Variants in UBAP2 observed in about 807,000 individuals in gnomAD.
The protein encoded by UBAP2 is ubiquitin associated protein 2, also known as ubiquitin-associated protein 2.
Under a neutral mutation model 139.6 loss-of-function variants are expected in UBAP2, and 75 were observed. The observed-to-expected ratio is 0.54, with a 90% CI of 0.45 to 0.65. The LOEUF (loss-of-function observed/expected upper bound fraction) is 0.65. Ranked by LOEUF, UBAP2 falls within the 30% of genes least tolerant of loss-of-function variation. The pLI, the probability that UBAP2 is intolerant of heterozygous loss-of-function variation, is 0.00. For missense variants in UBAP2, 1,368 were observed against 1,369.6 expected, an observed-to-expected ratio of 1.00 and a Z score of 0.02; for synonymous variants, 526 against 526.2, an observed-to-expected ratio of 1.00 and a Z score of 0.01.
intron 7 of UBAP2, among the ~76,000 whole-genome samples, chr9:33,972,704 G>A (rs1177363842): frequency 5.9e-5 from 9 of 152,140 alleles, no homozygotes; most frequent in Admixed American, 4.6e-4. Flanking sequence ...CTTTGAGTCT[G>A]TTCAATGTTT....
In UBAP2 at chr9:33,948,387, G is replaced by A. The variant is rs535253763; in HGVS notation, c.1257C>T (p.Val419=). 1.2e-6 allele frequency: 2 copies of A among 1,611,694 alleles called. No individual in the cohort carries two copies. Among genetic ancestry groups the A allele is most frequent in the South Asian group, 2.2e-5 (2 of 90,868 alleles). The change falls in exon 13 of 29, where the codon GTC becomes GTT. Residue 419 remains valine (V), a synonymous_variant. Transcript: ENST00000379238. ...DLKPPTSQSS[V]LSHLDFKSQP... ...ATGTATACCTACCAAGATGACTGAG[G>A]ACTGAGGACTGGGATGTTGGGGGCT...
intron 2 of UBAP2, among the ~76,000 whole-genome samples, chr9:34,007,833 GGGTTTC>G (rs1823373299): frequency 6.6e-6 from 1 of 151,694 alleles, no homozygotes; most frequent in African/African-American, 2.4e-5. Flanking sequence ...AATAGAGTCG[GGGTTTC>G]ACCTTGTTAG....
chr9:34,048,491 G>C (rs1587716562), intron 1 of UBAP2, among the ~76,000 whole-genome samples: 1 of 152,182 alleles, frequency 6.6e-6, no homozygotes, highest in South Asian at 2.1e-4. Context: ...GGCAGGCACC[G>C]AGGTGGGAGA....
intron 20 of UBAP2, 72 bp downstream of exon 20, chr9:33,927,725 C>G (rs893823941): frequency 6.7e-7 from 1 of 1,501,056 alleles, no homozygotes. Context: ...ACCTGCACTG[C>G]CTTCCTGGGA....
chr9:33,995,499 ATATATT>A (rs1822106845), intron 4 of UBAP2: 2 of 131,202 alleles, frequency 1.5e-5, no homozygotes, highest in Admixed American at 8.7e-5. Flanking sequence ...TATTAAATAT[ATATATT>A]TATATTATTA....
intron 13 of UBAP2, among the ~76,000 whole-genome samples, chr9:33,946,029 C>CT (rs1483724005): frequency 6.6e-6 from 1 of 152,140 alleles, no homozygotes; most frequent in Non-Finnish European, 1.5e-5. Context: ...AGAACACATC[C>CT]TTTTTAACAC....
chr9:34,021,312 T>C (rs12236865), intron 1 of UBAP2, among the ~76,000 whole-genome samples: 31,453 of 152,200 alleles, frequency 0.21, 3,844 homozygotes, highest in East Asian at 0.55. Flanking sequence ...TACATTATAG[T>C]AACAACCAAT....
At chr9:34,013,977 GAATA>G (rs1251366121) in intron 2 of UBAP2, among the ~76,000 whole-genome samples, 1 of 151,876 alleles carries the variant, frequency 6.6e-6, no homozygotes, top group Non-Finnish European at 1.5e-5. Context: ...TAGGATTAAT[GAATA>G]AATAAACATC....
At chr9:34,016,977 T>C (rs1336805276) in intron 2 of UBAP2, 73 bp downstream of exon 2, 3 of 1,022,774 alleles carry the variant, frequency 2.9e-6, no homozygotes, top group Non-Finnish European at 4.2e-6. Flanking sequence ...GAGTTCCACA[T>C]ACCCTAAAAC....
In UBAP2 at chr9:33,985,771, T is replaced by G. The variant is rs1308702535; in HGVS notation, c.520+989A>C. ...GCTCGGTGGCTCATGCCTGTAATCC[T>G]ACCGCTTTGGGAGGATTAGGCAGGT... is the stretch of plus-strand genomic sequence containing the variant. On this transcript the variant is annotated intron_variant, in intron 6 of 28. Transcript: ENST00000379238. Among the ~76,000 whole-genome samples the G allele has an allele frequency of 2.0e-5, 3 of 152,048 alleles. No homozygotes were observed. In the East Asian group the frequency reaches 5.8e-4, roughly 29 times the overall value.
At position 33,979,880 on chromosome 9, in the gene UBAP2, A is replaced by C. The variant is rs189078998; in HGVS notation, c.521-6643T>G. Reference sequence around the variant, plus strand: ...AGACTCTGTCTCTAAATAAATAAATAAGTGTAACCGGTGAAACCCCATCTC... The same window carrying C: ...AGACTCTGTCTCTAAATAAATAAATCAGTGTAACCGGTGAAACCCCATCTC... On this transcript the variant is annotated intron_variant, in intron 6 of 28. Coordinates refer to ENST00000379238, the MANE Select transcript of UBAP2 (RefSeq NM_001370062.2). 3.4e-3 allele frequency among the ~76,000 whole-genome samples: 510 copies of C among 151,250 alleles called. 3 individuals are homozygous for C. The highest frequency in any genetic ancestry group is 6.0e-3 in the Non-Finnish European group (408 of 67,814).
intron 1 of UBAP2, among the ~76,000 whole-genome samples, chr9:34,045,438 C>T (rs1348784030): frequency 6.6e-6 from 1 of 151,638 alleles, no homozygotes; most frequent in Non-Finnish European, 1.5e-5. Context: ...AGTCCAATGG[C>T]ACATGGCTCA....
intron 1 of UBAP2, among the ~76,000 whole-genome samples, chr9:34,041,835 C>G (rs1827122027): frequency 6.6e-6 from 1 of 151,998 alleles, no homozygotes; most frequent in Non-Finnish European, 1.5e-5. Context: ...ACCAGCCTGG[C>G]TAACACAAGG....
Position 34,008,561 on chromosome 9 carries a change from T to TG in UBAP2, c.99+8488dup, listed in dbSNP as rs1823442867. Among the ~76,000 whole-genome samples, 3 of 151,660 alleles carry TG rather than the reference T, an allele frequency of 2.0e-5. No individual in the cohort carries two copies. In the South Asian group the frequency reaches 6.2e-4, roughly 32 times the overall value. The stretch of plus-strand genomic sequence containing the variant: ...GAGTTCCAGACCAGCCTGGCCAACA[T>TG]GAGACCCCGTCTCAAAAATGTAATA... On this transcript the variant is annotated intron_variant, in intron 2 of 28. Transcript: ENST00000379238.
rs1822905544 is a variant in UBAP2, at chr9:33,921,839, CAG to C, written c.*663_*664del. 6.7e-6 allele frequency: 1 copy of C among 149,574 alleles called. No individual in the cohort carries two copies. The highest frequency in any genetic ancestry group is 2.1e-4 in the South Asian group (1 of 4,772). The allele number at this position is 149,574 out of a possible 1,614,324, so 9.3% of individuals were successfully genotyped here. ...AGGGGAGCTGACTGGCTGAATAACT[CAG>C]ATTATTTTTTTTTTTTTCATGGTCA... On this transcript the variant is annotated 3_prime_UTR_variant, in exon 29 of 29. Transcript: ENST00000379238.
At chr9:34,003,752 C>T (rs759222408) in intron 2 of UBAP2, among the ~76,000 whole-genome samples, 11 of 149,236 alleles carry the variant, frequency 7.4e-5, no homozygotes, top group Non-Finnish European at 1.5e-4. Flanking sequence ...CAGAGTTTCA[C>T]TCTTGTTGCC....
chr9:33,976,900 T>A (rs1828393781), intron 6 of UBAP2, among the ~76,000 whole-genome samples: 1 of 151,206 alleles, frequency 6.6e-6, no homozygotes, highest in East Asian at 2.0e-4. Flanking sequence ...TAATGCCAGC[T>A]ATTAGGGAGG....
chr9:33,935,136 T>G (rs186123253), intron 17 of UBAP2, among the ~76,000 whole-genome samples: 2 of 133,934 alleles, frequency 1.5e-5, no homozygotes, highest in East Asian at 4.6e-4. Flanking sequence ...GCACTATCTT[T>G]GGTAATCACT....
chr9:34,047,283 C>A (rs912675737), intron 1 of UBAP2, among the ~76,000 whole-genome samples: 4 of 152,130 alleles, frequency 2.6e-5, no homozygotes, highest in African/African-American at 9.7e-5. Flanking sequence ...AGCAAAAGGG[C>A]AGTTTGGGAA....
Sources: allele counts gnomAD v4.1 joint callset (sites outside exome capture counted in the v4.1 genomes callset), GRCh38; gene constraint gnomAD v4.1.1; transcripts MANE v1.5; gene names NCBI Gene and HGNC (gene_info 2026-07-23, HGNC 2026-07-21).